Variants in TSNARE1 observed in about 807,000 individuals in gnomAD.
TSNARE1 encodes the protein t-SNARE domain containing 1, also known as t-SNARE domain-containing protein 1.
A neutral mutation model predicts 62.0 loss-of-function variants in TSNARE1; 49 were observed. That is an observed-to-expected ratio of 0.79 (90% CI 0.63 to 1.00). The LOEUF is 1.00. Ranked by LOEUF, TSNARE1 falls within the 50% of genes least tolerant of loss-of-function variation. The pLI is 0.00. For synonymous variants in TSNARE1, 328 were observed against 294.4 expected, an observed-to-expected ratio of 1.11 and a Z score of -1.17; for missense variants, 755 against 700.1, an observed-to-expected ratio of 1.08 and a Z score of -0.88.
intron 1 of TSNARE1, among the ~76,000 whole-genome samples, chr8:142,378,497 G>A (rs1490207913): frequency 6.6e-6 from 1 of 152,210 alleles, no homozygotes; most frequent in Non-Finnish European, 1.5e-5. Flanking sequence ...CACGCTTGAA[G>A]TTTGCGCACT....
intron 12 of TSNARE1, among the ~76,000 whole-genome samples, chr8:142,237,018 G>C (rs1233343722): frequency 1.3e-5 from 2 of 152,200 alleles, no homozygotes; most frequent in South Asian, 2.1e-4. Context: ...GGTTATGAGG[G>C]GGGAGCTTTT....
At chr8:142,391,315 A>G (rs9773503) in intron 1 of TSNARE1, among the ~76,000 whole-genome samples, 45,553 of 99,392 alleles carry the variant, frequency 0.46, 12,245 homozygotes, top group African/African-American at 0.74. Context: ...ACACTGCTGG[A>G]GACTCTGTAA....
At chr8:142,315,209 C>T (rs1341782637) in intron 7 of TSNARE1, 117 bp from the exon 8 acceptor site, 6 of 991,138 alleles carry the variant, frequency 6.1e-6, no homozygotes, top group Non-Finnish European at 9.1e-6. Context: ...GAATGGGGCT[C>T]GCCATCAACT....
chr8:142,322,423 A>G (rs534151808), intron 6 of TSNARE1, among the ~76,000 whole-genome samples: 4 of 152,346 alleles, frequency 2.6e-5, no homozygotes, highest in East Asian at 1.9e-4. Flanking sequence ...TTACCTAGGA[A>G]TAAGGGGGAA....
At chr8:142,328,477 T>C (rs559968601) in intron 6 of TSNARE1, among the ~76,000 whole-genome samples, 8 of 152,352 alleles carry the variant, frequency 5.3e-5, no homozygotes, top group African/African-American at 1.9e-4. Flanking sequence ...AAGGACCCAA[T>C]GCGTAAGGGA....
chr8:142,383,215 T>C (rs913862864), intron 1 of TSNARE1, among the ~76,000 whole-genome samples: 3 of 152,098 alleles, frequency 2.0e-5, no homozygotes, highest in Non-Finnish European at 1.5e-5. Flanking sequence ...GGGGTCAGTG[T>C]GCGTGGAGAA....
In TSNARE1 at chr8:142,344,486, A is replaced by T; in HGVS notation, c.239-14T>A. 1 of 1,513,112 alleles carries T rather than the reference A, an allele frequency of 6.6e-7. No homozygotes were observed. Among genetic ancestry groups the T allele is most frequent in the South Asian group, 1.3e-5 (1 of 76,378 alleles). 93.7% of individuals were successfully genotyped at this position (1,513,112 alleles called of 1,614,324 possible). A position where few individuals can be genotyped will look rare whatever the true frequency, so the allele number is the denominator to read the frequency against. Reference sequence around the variant, plus strand: ...CAACCCCAGGCCCTGGAAAGGCACCAAAAGGCGGATGTTTAAGGCCCTGGG... The same window carrying T: ...CAACCCCAGGCCCTGGAAAGGCACCTAAAGGCGGATGTTTAAGGCCCTGGG... On this transcript the variant is annotated splice_polypyrimidine_tract_variant and intron_variant, in intron 3 of 13. Transcript: ENST00000524325.
intron 13 of TSNARE1, among the ~76,000 whole-genome samples, chr8:142,226,534 G>A (rs1208675239): frequency 6.6e-6 from 1 of 152,112 alleles, no homozygotes; most frequent in Non-Finnish European, 1.5e-5. Flanking sequence ...GGGGACCCTG[G>A]TGGCCCCCAG....
chr8:142,222,285 T>TCCAC (rs1816343065), intron 13 of TSNARE1, among the ~76,000 whole-genome samples: 1 of 26,702 alleles, frequency 3.7e-5, no homozygotes, highest in Non-Finnish European at 8.1e-5. Context: ...CATCCACTCA[T>TCCAC]TCACTCTCAC....
At chr8:142,268,074 C>A (rs1020525391) in intron 12 of TSNARE1, among the ~76,000 whole-genome samples, 2 of 152,184 alleles carry the variant, frequency 1.3e-5, no homozygotes, top group Non-Finnish European at 2.9e-5. Flanking sequence ...ACTCCTGGAC[C>A]CTCCTGGTTC....
chr8:142,345,635 C>T, intron 3 of TSNARE1, 108 bp downstream of exon 3: 1 of 1,357,752 alleles, frequency 7.4e-7, no homozygotes, highest in Non-Finnish European at 9.8e-7. Context: ...GCCTCCTGGT[C>T]CCAGCCTCCT....
rs115415244 is a variant in TSNARE1, at chr8:142,307,212, C to T, written c.1132-6568G>A. Among the ~76,000 whole-genome samples, 107 of 152,152 alleles carry T rather than the reference C, an allele frequency of 7.0e-4. 1 individual carries two copies. Among genetic ancestry groups the T allele is most frequent in the Middle Eastern group, 3.4e-3 (1 of 294 alleles). On this transcript the variant is annotated intron_variant, in intron 9 of 13. Transcript: ENST00000524325. The stretch of plus-strand genomic sequence containing the variant: ...TTCAGCTTGGACTCAGCGTTATGTC[C>T]GAGACATCACCAGTGGGCGTGGTGG...
At chr8:142,289,701 G>C (rs1823422084) in intron 10 of TSNARE1, among the ~76,000 whole-genome samples, 1 of 152,222 alleles carries the variant, frequency 6.6e-6, no homozygotes, top group African/African-American at 2.4e-5. Context: ...CCTGAAGGGA[G>C]CAGGGAGCCT....
chr8:142,299,643 G>A (rs887334591), intron 10 of TSNARE1, among the ~76,000 whole-genome samples: 4 of 151,774 alleles, frequency 2.6e-5, no homozygotes, highest in African/African-American at 4.8e-5. Context: ...ACGCACTCAC[G>A]CACGCACGCA....
chr8:142,396,936 T>C (rs890575993), intron 1 of TSNARE1, among the ~76,000 whole-genome samples: 1 of 152,194 alleles, frequency 6.6e-6, no homozygotes, highest in Admixed American at 6.5e-5. Context: ...GAGCAAGCTC[T>C]GTGATGTGTG....
intron 11 of TSNARE1, chr8:142,275,164 G>C (rs57419124): frequency 0.099 from 97,868 of 985,248 alleles, 5,354 homozygotes; most frequent in East Asian, 0.33. Context: ...AGGCGGAGGT[G>C]AGGGCTGGGG....
intron 2 of TSNARE1, among the ~76,000 whole-genome samples, chr8:142,351,210 T>C (rs11997054): frequency 0.31 from 47,774 of 152,108 alleles, 9,804 homozygotes; most frequent in African/African-American, 0.58. Flanking sequence ...CGCGTCTGAG[T>C]CTACTTTGAT....
At chr8:142,266,713 G>C (rs993833293) in intron 12 of TSNARE1, among the ~76,000 whole-genome samples, 1 of 152,036 alleles carries the variant, frequency 6.6e-6, no homozygotes, top group Admixed American at 6.6e-5. Flanking sequence ...CAGTATGCTC[G>C]TGCTTCCTGT....
chr8:142,248,356 T>C (rs79293161), intron 12 of TSNARE1, among the ~76,000 whole-genome samples: 7,052 of 152,294 alleles, frequency 0.046, 177 homozygotes, highest in South Asian at 0.073. Context: ...AGCTCCAGGA[T>C]GCCCGCACAG....
Sources: allele counts gnomAD v4.1 joint callset (sites outside exome capture counted in the v4.1 genomes callset), GRCh38; gene constraint gnomAD v4.1.1; transcripts MANE v1.5; gene names NCBI Gene and HGNC (gene_info 2026-07-23, HGNC 2026-07-21).